Variants in BIN2 observed in about 807,000 individuals in gnomAD.
The protein encoded by BIN2 is bridging integrator 2, also known as breast cancer associated protein BRAP1.
A neutral mutation model predicts 67.9 loss-of-function variants in BIN2; 43 were observed. That is an observed-to-expected ratio of 0.63 (90% CI 0.50 to 0.82). The LOEUF (loss-of-function observed/expected upper bound fraction) is 0.82. Among genes scored for constraint, BIN2 ranks in the 40% least tolerant of loss-of-function variants. The pLI is 0.00. For missense variants in BIN2, 581 were observed against 671.6 expected (o/e 0.87, Z 1.49); for synonymous variants, 244 against 246.8 (o/e 0.99, Z 0.11).
At chr12:51,305,018 A>T (rs1945831865) in intron 2 of BIN2, among the ~76,000 whole-genome samples, 1 of 150,422 alleles carries the variant, frequency 6.6e-6, no homozygotes, top group Admixed American at 6.7e-5. Flanking sequence ...ACTCCGTCTC[A>T]AAACAAAACA....
chr12:51,320,972 C>CACACACACACACACACACACAA (rs1555173100), intron 1 of BIN2, among the ~76,000 whole-genome samples: 1 of 151,328 alleles, frequency 6.6e-6, no homozygotes, highest in South Asian at 2.1e-4. Context: ...CACACACACT[C>CACACACACACACACACACACAA]TAAAGCCAGC....
chr12:51,305,094 T>A (rs1460094084), intron 2 of BIN2, among the ~76,000 whole-genome samples: 10 of 149,298 alleles, frequency 6.7e-5, no homozygotes, highest in South Asian at 6.4e-4. Flanking sequence ...CCCAGCACTT[T>A]GGGAGGCCAA....
At chr12:51,281,691 G>A (rs948820769) in intron 12 of BIN2, among the ~76,000 whole-genome samples, 163 bp from the exon 13 acceptor site, 2 of 152,162 alleles carry the variant, frequency 1.3e-5, no homozygotes, top group Non-Finnish European at 2.9e-5. Flanking sequence ...TTATTGCAAG[G>A]ACTTGTTGCA....
intron 9 of BIN2, 21 bp downstream of exon 9, chr12:51,295,775 A>G (rs1190404191): frequency 1.2e-6 from 2 of 1,608,848 alleles, no homozygotes; most frequent in Non-Finnish European, 1.7e-6. Flanking sequence ...GCGAAGCAAA[A>G]AAGTCTTGGA....
intron 7 of BIN2, 107 bp downstream of exon 7, chr12:51,299,096 G>A: frequency 1.3e-6 from 1 of 774,278 alleles, no homozygotes; most frequent in African/African-American, 1.8e-5. Context: ...AAAGGGGGCG[G>A]GGCAGTGTGG....
chr12:51,283,522 A>G (rs1253036224), intron 12 of BIN2, among the ~76,000 whole-genome samples: 1 of 151,966 alleles, frequency 6.6e-6, no homozygotes, highest in Admixed American at 6.6e-5. Flanking sequence ...TATGTTGCCC[A>G]GGTTGTATTT....
intron 4 of BIN2, 197 bp downstream of exon 4, chr12:51,302,489 T>C (rs1014910916): frequency 5.2e-6 from 3 of 578,566 alleles, no homozygotes; most frequent in Non-Finnish European, 9.2e-6. Flanking sequence ...ATTAGAGGGA[T>C]CCACAGATTA....
chr12:51,323,864 T>C (rs1946356074), intron 1 of BIN2, among the ~76,000 whole-genome samples, 158 bp downstream of exon 1: 1 of 152,120 alleles, frequency 6.6e-6, no homozygotes, highest in African/African-American at 2.4e-5. Context: ...GGAAGCCCAC[T>C]CCTCGCTCCC....
intron 1 of BIN2, among the ~76,000 whole-genome samples, chr12:51,320,634 CTT>C (rs76824967): frequency 1.6e-3 from 153 of 98,686 alleles, no homozygotes; most frequent in Middle Eastern, 4.7e-3. Flanking sequence ...TATCATTATT[CTT>C]TTTTTTTTTT....
intron 10 of BIN2, among the ~76,000 whole-genome samples, chr12:51,290,833 T>C (rs1945360909): frequency 6.6e-6 from 1 of 152,128 alleles, no homozygotes; most frequent in East Asian, 1.9e-4. Context: ...CTCGGGAGGC[T>C]GAGGCAGGAA....
chr12:51,309,609 C>A (rs1019776741), intron 2 of BIN2, among the ~76,000 whole-genome samples: 18 of 152,052 alleles, frequency 1.2e-4, no homozygotes, highest in African/African-American at 4.3e-4. Context: ...TGGTCTTGAA[C>A]CCCTGGCCCT....
Position 51,299,301 on chromosome 12 carries a change from A to G in BIN2, c.517-13T>C, listed in dbSNP as rs1257476796. 6.2e-7 allele frequency: 1 copy of G among 1,608,318 alleles called. No individual in the cohort carries two copies. The highest frequency in any genetic ancestry group is 8.5e-7 in the Non-Finnish European group (1 of 1,174,810). ...ACTCTTCCTCTGCCTAGGTGGTAAA[A>G]GAGACAAGACAATCTCCCTCAATTC... On this transcript the variant is annotated splice_polypyrimidine_tract_variant and intron_variant, in intron 6 of 12. Coordinates refer to ENST00000615107, the MANE Select transcript of BIN2 (RefSeq NM_016293.4).
intron 2 of BIN2, among the ~76,000 whole-genome samples, chr12:51,312,664 C>T (rs1262221139): frequency 1.3e-5 from 2 of 152,054 alleles, no homozygotes; most frequent in Non-Finnish European, 2.9e-5. Flanking sequence ...GTGATGAGTA[C>T]ATGTGAATTC....
At chr12:51,324,183 C>G, upstream of BIN2, 3 of 1,568,646 alleles carry the variant, frequency 1.9e-6, no homozygotes, top group Non-Finnish European at 2.6e-6. Context: ...GTGCGGGCTC[C>G]CGGCATGCCT....
chr12:51,313,216 A>AAGGAAGGAAGGC (rs778527098), intron 2 of BIN2, among the ~76,000 whole-genome samples: 3 of 91,642 alleles, frequency 3.3e-5, no homozygotes, highest in Non-Finnish European at 8.8e-5. Context: ...GGAAGGAAGG[A>AAGGAAGGAAGGC]AGGAAGGCAG....
rs774197089 is a variant in BIN2 at position 51,281,413 on chromosome 12, GCT to G, written c.*84_*85del. 1.0e-4 allele frequency: 143 copies of G among 1,409,806 alleles called. No individual in the cohort carries two copies. The South Asian group carries it at 1.2e-3, about 12-fold the overall frequency. 87.3% of individuals were successfully genotyped at this position (1,409,806 alleles called of 1,614,324 possible). A position where few individuals can be genotyped will look rare whatever the true frequency, so the allele number is the denominator to read the frequency against. ...ACTGAGAACCCAGGGATGGATGCTG[GCT>G]CTTATATCCCTCTGACCTATACCCT... On this transcript the variant is annotated 3_prime_UTR_variant, in exon 13 of 13. Coordinates refer to ENST00000615107, the MANE Select transcript of BIN2 (RefSeq NM_016293.4).
intron 11 of BIN2, among the ~76,000 whole-genome samples, chr12:51,287,900 C>G (rs1453217383): frequency 2.0e-5 from 3 of 152,174 alleles, no homozygotes; most frequent in African/African-American, 7.2e-5. Flanking sequence ...ATCCGCCCGC[C>G]TCTGCCTCCC....
At chr12:51,320,585 C>T (rs1438474370) in intron 1 of BIN2, among the ~76,000 whole-genome samples, 5 of 151,794 alleles carry the variant, frequency 3.3e-5, no homozygotes, top group Admixed American at 6.6e-5. Flanking sequence ...TCCTTTTGTC[C>T]TCTGAATAGA....
chr12:51,302,353 T>C, intron 4 of BIN2: 1 of 538,760 alleles, frequency 1.9e-6, no homozygotes, highest in South Asian at 2.2e-5. Flanking sequence ...GGTCAAAGCC[T>C]TGGACTCCAG....
Sources: gnomAD v4.1 joint callset for allele counts (sites outside exome capture counted in the v4.1 genomes callset) on GRCh38, gnomAD v4.1.1 for gene constraint, MANE v1.5 for transcripts, NCBI Gene and HGNC (gene_info 2026-07-23, HGNC 2026-07-21) for gene names.